MAGI2: variants seen among roughly 807,000 people sequenced by gnomAD.
MAGI2 encodes membrane-associated guanylate kinase, WW and PDZ domain-containing protein 2.
In MAGI2, 35 loss-of-function variants were observed where a neutral mutation model predicts 133.3. That is an observed-to-expected ratio of 0.26 (90% CI 0.20 to 0.35). MAGI2 has a LOEUF of 0.35. Ranked by LOEUF, MAGI2 falls within the 10% of genes least tolerant of loss-of-function variation. MAGI2 has a pLI of 1.00. For synonymous variants in MAGI2, 729 were observed against 710.6 expected (o/e 1.03, Z -0.41); for missense variants, 1,636 against 1,863.4 (o/e 0.88, Z 2.25).
chr7:79,309,710 T>C (rs1838088704), intron 1 of MAGI2, among the ~76,000 whole-genome samples: 1 of 152,080 alleles, frequency 6.6e-6, no homozygotes, highest in East Asian at 1.9e-4. Context: ...ATCAGATCTT[T>C]CATCGTTTAT....
In MAGI2 at chr7:78,953,841, T is replaced by C. The variant is rs555178841; in HGVS notation, c.418+53249A>G. Reference sequence around the variant, plus strand: ...AAGAACCAAATGAAATTGGGCTGTTTCTAACTTGCTACATTTTTCATCCTC... The same window carrying C: ...AAGAACCAAATGAAATTGGGCTGTTCCTAACTTGCTACATTTTTCATCCTC... On this transcript the variant is annotated intron_variant, in intron 2 of 21. Coordinates refer to ENST00000354212, the MANE Select transcript of MAGI2 (RefSeq NM_012301.4). 1.6e-4 allele frequency among the ~76,000 whole-genome samples: 25 copies of C among 152,248 alleles called. No individual in the cohort carries two copies. In the East Asian group the frequency reaches 4.5e-3, roughly 27 times the overall value.
At chr7:78,655,471 A>AAC (rs1554515327) in intron 2 of MAGI2, among the ~76,000 whole-genome samples, 2 of 150,496 alleles carry the variant, frequency 1.3e-5, no homozygotes, top group Non-Finnish European at 3.0e-5. Context: ...AAAAAAAAAA[A>AAC]AAAACCACCA....
chr7:78,778,408 T>A (rs1826146739), intron 2 of MAGI2, among the ~76,000 whole-genome samples: 1 of 152,224 alleles, frequency 6.6e-6, no homozygotes. Flanking sequence ...GAATAAACTG[T>A]GCAAATTAGT....
At chr7:78,344,908 T>C (rs1027613598) in intron 8 of MAGI2, among the ~76,000 whole-genome samples, 2 of 152,222 alleles carry the variant, frequency 1.3e-5, no homozygotes, top group Admixed American at 6.5e-5. Flanking sequence ...TAATATCTGC[T>C]TTAAATTCCA....
chr7:78,660,803 A>T (rs1023409021), intron 2 of MAGI2, among the ~76,000 whole-genome samples: 1 of 152,198 alleles, frequency 6.6e-6, no homozygotes, highest in Non-Finnish European at 1.5e-5. Flanking sequence ...CCTCATAAAA[A>T]TATATGTAGA....
intron 1 of MAGI2, among the ~76,000 whole-genome samples, chr7:79,378,926 G>A (rs28453751): frequency 0.11 from 9,009 of 85,560 alleles, 744 homozygotes; most frequent in Non-Finnish European, 0.15. Flanking sequence ...ATGTGTGTGT[G>A]TATATATATA....
intron 1 of MAGI2, among the ~76,000 whole-genome samples, chr7:79,118,792 T>G (rs969515357): frequency 1.3e-5 from 2 of 152,090 alleles, no homozygotes; most frequent in African/African-American, 4.8e-5. Flanking sequence ...CCATGACTAC[T>G]CCCCCAAGCA....
chr7:78,420,759 G>T (rs1221812917), intron 6 of MAGI2, among the ~76,000 whole-genome samples: 1 of 152,004 alleles, frequency 6.6e-6, no homozygotes, highest in Admixed American at 6.6e-5. Flanking sequence ...CCATATCCTG[G>T]CCATATCATT....
Position 78,369,213 on chromosome 7 carries a change from T to C in MAGI2, c.1046A>G (p.Glu349Gly). ...AKPPEECKEN[E>G]LPYGWEKIDD... ...GATTTTTTCCCAGCCATATGGAAGC[T>C]CTGAAAAATAAAGAGTTCTTTCAGT... is the stretch of plus-strand genomic sequence containing the variant. The change falls in exon 7 of 22, where the codon GAG becomes GGG. Residue 349 changes from glutamate to glycine, a missense_variant and splice_region_variant. Glu to Gly is a moderately conservative substitution (Grantham distance 98). Around this residue, in one of 5 missense-constraint regions of MAGI2, gnomAD observed 920 missense variants for 1,093.5 expected, o/e 0.84. Transcript: ENST00000354212. 6.3e-7 allele frequency: 1 copy of C among 1,596,692 alleles called. No homozygotes were observed. The highest frequency in any genetic ancestry group is 8.6e-7 in the Non-Finnish European group (1 of 1,168,430).
At chr7:78,890,518 A>C (rs1408443979) in intron 2 of MAGI2, among the ~76,000 whole-genome samples, 1 of 152,218 alleles carries the variant, frequency 6.6e-6, no homozygotes, top group Admixed American at 6.5e-5. Context: ...AGAAATTATA[A>C]CAAACTGTCT....
intron 2 of MAGI2, among the ~76,000 whole-genome samples, chr7:78,925,766 T>C (rs1211415750): frequency 6.6e-6 from 1 of 152,034 alleles, no homozygotes; most frequent in Non-Finnish European, 1.5e-5. Context: ...TAAAATATAA[T>C]GGCTTATTAT....
At chr7:78,027,100 G>A (rs1368047166) in intron 21 of MAGI2, among the ~76,000 whole-genome samples, 2 of 152,196 alleles carry the variant, frequency 1.3e-5, no homozygotes, top group African/African-American at 2.4e-5. Flanking sequence ...ATTGGGTAAT[G>A]TTCTACAAAC....
At chr7:79,035,637 T>C (rs1158439095) in intron 1 of MAGI2, among the ~76,000 whole-genome samples, 1 of 152,182 alleles carries the variant, frequency 6.6e-6, no homozygotes, top group Non-Finnish European at 1.5e-5. Flanking sequence ...TATAAGATTT[T>C]AAAATATGTA....
chr7:78,057,997 A>ATGTGTGTGTGTGTGTGTGTGTGTG (rs369803912), intron 21 of MAGI2, among the ~76,000 whole-genome samples: 705 of 39,942 alleles, frequency 0.018, 48 homozygotes, highest in East Asian at 0.031. Context: ...ATATATATAT[A>ATGTGTGTGTGTGTGTGTGTGTGTG]TATATATGTA....
At chr7:78,054,136 AT>A (rs369131522) in intron 21 of MAGI2, among the ~76,000 whole-genome samples, 3,074 of 152,024 alleles carry the variant, frequency 0.02, 112 homozygotes, top group African/African-American at 0.07. Context: ...ATTTTATTTT[AT>A]TTTTTTGAGA....
chr7:79,018,333 A>G (rs1157079684), intron 1 of MAGI2, among the ~76,000 whole-genome samples: 1 of 152,206 alleles, frequency 6.6e-6, no homozygotes, highest in Non-Finnish European at 1.5e-5. Flanking sequence ...AATCCTTTTC[A>G]GAAAAGCAAA....
intron 6 of MAGI2, among the ~76,000 whole-genome samples, chr7:78,416,238 G>A (rs1798289821): frequency 6.6e-6 from 1 of 152,060 alleles, no homozygotes; most frequent in Non-Finnish European, 1.5e-5. Flanking sequence ...TACAGACAAT[G>A]GTATGATGAG....
intron 2 of MAGI2, among the ~76,000 whole-genome samples, chr7:78,675,527 A>C (rs1040353768): frequency 6.6e-6 from 1 of 152,092 alleles, no homozygotes; most frequent in African/African-American, 2.4e-5. Flanking sequence ...ACTGATAAAT[A>C]CATTTATTTT....
At chr7:78,178,599 T>C (rs1826890478) in intron 13 of MAGI2, among the ~76,000 whole-genome samples, 1 of 152,010 alleles carries the variant, frequency 6.6e-6, no homozygotes, top group South Asian at 2.1e-4. Flanking sequence ...TGTGTGTGTG[T>C]GTGTGTGTGT....
Sources: gnomAD v4.1 joint callset for allele counts (sites outside exome capture counted in the v4.1 genomes callset) on GRCh38, gnomAD v4.1.1 for gene constraint, gnomAD v4.1.1 regional missense constraint, MANE v1.5 for transcripts, NCBI Gene and HGNC (gene_info 2026-07-23, HGNC 2026-07-21) for gene names.